The following ZNF516 variants were observed in gnomAD, a reference collection of about 807,000 sequenced individuals.
ZNF516 encodes zinc finger protein 516.
In ZNF516, 19 loss-of-function variants were observed where a neutral mutation model predicts 79.7. The ratio of observed to expected loss-of-function variants is 0.24; its 90% CI spans 0.17 to 0.35. ZNF516 has a LOEUF of 0.35. Ranked by LOEUF, ZNF516 falls within the 10% of genes least tolerant of loss-of-function variation. The pLI, the probability that ZNF516 is intolerant of heterozygous loss-of-function variation, is 1.00. For synonymous variants in ZNF516, 877 were observed against 739.5 expected (o/e 1.19, Z -3.02); for missense variants, 1,678 against 1,679.5 (o/e 1.00, Z 0.02).
chr18:76,437,940 A>G (rs991562867), intron 3 of ZNF516, among the ~76,000 whole-genome samples: 1 of 152,234 alleles, frequency 6.6e-6, no homozygotes, highest in Non-Finnish European at 1.5e-5. Flanking sequence ...TGTCCCATCT[A>G]TTGAGTCGCA....
chr18:76,447,228 T>C (rs1249044576), intron 2 of ZNF516, among the ~76,000 whole-genome samples: 1 of 152,182 alleles, frequency 6.6e-6, no homozygotes, highest in Non-Finnish European at 1.5e-5. Flanking sequence ...AAACACGCCA[T>C]GGGCGGCCGC....
chr18:76,404,102 C>T (rs935637672), intron 3 of ZNF516, among the ~76,000 whole-genome samples: 1 of 152,230 alleles, frequency 6.6e-6, no homozygotes. Flanking sequence ...CTCCAACACC[C>T]CTGGGGACTT....
At chr18:76,400,668 G>A (rs1256533886) in intron 3 of ZNF516, among the ~76,000 whole-genome samples, 1 of 152,164 alleles carries the variant, frequency 6.6e-6, no homozygotes, top group African/African-American at 2.4e-5. Flanking sequence ...CAGAAAGCCA[G>A]GCAAAACTAA....
chr18:76,491,673 C>A (rs1915231864), intron 1 of ZNF516: 1 of 556,956 alleles, frequency 1.8e-6, no homozygotes, highest in Non-Finnish European at 2.3e-6. Flanking sequence ...CCACCGCCCC[C>A]ACCCCGGGGC....
chr18:76,442,074 G>A lies in ZNF516; in HGVS notation c.981C>T (p.Ile327=), dbSNP rs373365125. The change falls in exon 3 of 7, where the codon ATC becomes ATT. Residue 327 remains isoleucine (I), a synonymous_variant. Transcript: ENST00000443185. ...TINNVVQEEV[I]VAGLSLYEVC... ...CCTCGTAGAGGCTCAGGCCGGCGACGATCACCTCCTCCTGGACCACGTTGT... is the reference window on the plus strand; with the variant it reads ...CCTCGTAGAGGCTCAGGCCGGCGACAATCACCTCCTCCTGGACCACGTTGT... 38 of 1,613,864 alleles carry A rather than the reference G, an allele frequency of 2.4e-5. No individual in the cohort carries two copies. Among genetic ancestry groups the A allele is most frequent in the Non-Finnish European group, 1.9e-5 (22 of 1,179,910 alleles).
chr18:76,480,671 C>T (rs540388989), intron 1 of ZNF516, among the ~76,000 whole-genome samples: 24 of 152,070 alleles, frequency 1.6e-4, no homozygotes, highest in African/African-American at 5.3e-4. Flanking sequence ...TACAGGCACC[C>T]GCCACCACGC....
chr18:76,409,845 C>T (rs941816267), intron 3 of ZNF516, among the ~76,000 whole-genome samples: 12 of 152,120 alleles, frequency 7.9e-5, no homozygotes, highest in African/African-American at 2.9e-4. Context: ...TGGCTGTGTC[C>T]CCACCCAAAT....
intron 3 of ZNF516, among the ~76,000 whole-genome samples, chr18:76,422,846 A>G (rs1460237283): frequency 6.6e-6 from 1 of 152,236 alleles, no homozygotes; most frequent in African/African-American, 2.4e-5. Context: ...ACTGGAATAG[A>G]TAAGAAAAAC....
chr18:76,468,001 C>T (rs886628233), intron 1 of ZNF516, among the ~76,000 whole-genome samples: 3 of 152,130 alleles, frequency 2.0e-5, no homozygotes, highest in African/African-American at 2.4e-5. Flanking sequence ...CAGCACGCGA[C>T]GGACGGCCTT....
Position 76,488,316 on chromosome 18 carries a change from G to A in ZNF516, c.-272+6828C>T, listed in dbSNP as rs540715176. The stretch of plus-strand genomic sequence containing the variant: ...AACAATGCTGGAAGTGAAGCTCCAA[G>A]GTGCCAATTCGCAGGCAGCCAGGAA... On this transcript the variant is annotated intron_variant, in intron 1 of 6. Coordinates refer to ENST00000443185, the MANE Select transcript of ZNF516 (RefSeq NM_014643.4). 1.7e-5 allele frequency: 16 copies of A among 948,212 alleles called. No homozygotes were observed. In the African/African-American group the frequency reaches 2.7e-4, roughly 16 times the overall value. 58.7% of individuals were successfully genotyped at this position (948,212 alleles called of 1,614,324 possible).
chr18:76,380,409 C>T (rs2074872476), intron 3 of ZNF516, 106 bp from the exon 4 acceptor site: 20 of 1,442,318 alleles, frequency 1.4e-5, no homozygotes, highest in East Asian at 2.4e-5. Flanking sequence ...CTGTCTTCAG[C>T]GGGAGAAGCC....
At chr18:76,430,904 G>A (rs2075652406) in intron 3 of ZNF516, among the ~76,000 whole-genome samples, 1 of 152,184 alleles carries the variant, frequency 6.6e-6, no homozygotes, top group South Asian at 2.1e-4. Flanking sequence ...AAGAAAGCAG[G>A]AGACAAGGCC....
intron 1 of ZNF516, among the ~76,000 whole-genome samples, chr18:76,469,586 G>T (rs1469377767): frequency 6.6e-6 from 1 of 152,090 alleles, no homozygotes; most frequent in Admixed American, 6.6e-5. Flanking sequence ...TTAGATTAAA[G>T]AAAGTATGGT....
chr18:76,475,041 T>C (rs1914094553), intron 1 of ZNF516, among the ~76,000 whole-genome samples: 1 of 152,214 alleles, frequency 6.6e-6, no homozygotes, highest in Non-Finnish European at 1.5e-5. Context: ...TTTCACACAT[T>C]TTAAGAAACA....
intron 3 of ZNF516, among the ~76,000 whole-genome samples, chr18:76,433,878 T>A (rs1015601503): frequency 6.6e-6 from 1 of 152,146 alleles, no homozygotes; most frequent in Non-Finnish European, 1.5e-5. Flanking sequence ...CAGCAAGGCA[T>A]CATCTCACAG....
At chr18:76,409,849 C>T (rs919419843) in intron 3 of ZNF516, among the ~76,000 whole-genome samples, 5 of 152,186 alleles carry the variant, frequency 3.3e-5, no homozygotes, top group African/African-American at 1.2e-4. Context: ...TGTGTCCCCA[C>T]CCAAATCTCA....
chr18:76,407,519 A>G (rs1185431248), intron 3 of ZNF516, among the ~76,000 whole-genome samples: 1 of 152,160 alleles, frequency 6.6e-6, no homozygotes, highest in African/African-American at 2.4e-5. Flanking sequence ...AATTACGAGG[A>G]GACGGGGCCA....
chr18:76,362,281 A>G lies in ZNF516; in HGVS notation c.*217T>C. ...TAGTATCTACATGTATTTCTAGAAT[A>G]TAGCATCTTCATTTATTTCTGAACG... is the stretch of plus-strand genomic sequence containing the variant. On this transcript the variant is annotated 3_prime_UTR_variant, in exon 7 of 7. Coordinates refer to ENST00000443185, the MANE Select transcript of ZNF516 (RefSeq NM_014643.4). The G allele has an allele frequency of 1.9e-6, 1 of 533,874 alleles. No individual in the cohort carries two copies. The highest frequency in any genetic ancestry group is 2.8e-5 in the East Asian group (1 of 35,150). 33.1% of individuals were successfully genotyped at this position (533,874 alleles called of 1,614,324 possible).
intron 4 of ZNF516, among the ~76,000 whole-genome samples, chr18:76,375,802 G>T (rs949992579): frequency 6.8e-6 from 1 of 146,506 alleles, no homozygotes; most frequent in African/African-American, 2.6e-5. Context: ...ACCAGGTAGA[G>T]GATGTATGGG....
Sources: allele counts gnomAD v4.1 joint callset (sites outside exome capture counted in the v4.1 genomes callset), GRCh38; gene constraint gnomAD v4.1.1; transcripts MANE v1.5; gene names NCBI Gene and HGNC (gene_info 2026-07-23, HGNC 2026-07-21).